SPAG16: variants seen among roughly 807,000 people sequenced by gnomAD.
SPAG16 encodes sperm-associated antigen 16 protein.
A neutral mutation model predicts 80.4 loss-of-function variants in SPAG16; 86 were observed. The observed-to-expected ratio is 1.07, with a 90% confidence interval of 0.90 to 1.28. The LOEUF (loss-of-function observed/expected upper bound fraction) is 1.28, where lower values mean the gene tolerates loss of function less well. SPAG16 is among the 50% of genes most tolerant of loss of function. SPAG16 has a pLI of 0.00. For missense variants in SPAG16, 870 were observed against 765.3 expected (o/e 1.14, Z -1.61); for synonymous variants, 294 against 265.9 (o/e 1.11, Z -1.03).
chr2:214,002,378 CAAGTG>C (rs2046833064), intron 12 of SPAG16, among the ~76,000 whole-genome samples: 1 of 151,990 alleles, frequency 6.6e-6, no homozygotes, highest in South Asian at 2.1e-4. Context: ...AAGGGGAACT[CAAGTG>C]AACACATGGA....
At chr2:214,011,564 A>G (rs1269607515) in intron 12 of SPAG16, among the ~76,000 whole-genome samples, 1 of 152,208 alleles carries the variant, frequency 6.6e-6, no homozygotes, top group Admixed American at 6.6e-5. Flanking sequence ...GACAATATGT[A>G]AACAGACTGG....
intron 10 of SPAG16, among the ~76,000 whole-genome samples, chr2:213,637,971 A>G (rs1490232954): frequency 6.6e-6 from 1 of 152,060 alleles, no homozygotes; most frequent in Non-Finnish European, 1.5e-5. Context: ...GTTAGCCAGG[A>G]TGGTCTCGAT....
chr2:213,620,289 T>G lies in SPAG16; in HGVS notation c.1070+130199T>G, dbSNP rs552569601. Among the ~76,000 whole-genome samples the G allele has an allele frequency of 6.5e-4, 81 of 123,980 alleles. 1 individual carries two copies. The South Asian group carries it at 0.022, about 34-fold the overall frequency. The allele number at this position is 123,980 out of a possible 152,430, so 81.3% of individuals were successfully genotyped here. A position where few individuals can be genotyped will look rare whatever the true frequency, so the allele number is the denominator to read the frequency against. ...TAACAATAATTTATTGAGTTTTTTT[T>G]TTTTTTTTTTTTTTTTTTTTTGAGA... is the stretch of plus-strand genomic sequence containing the variant. On this transcript the variant is annotated intron_variant, in intron 10 of 15. Transcript: ENST00000331683.
intron 15 of SPAG16, among the ~76,000 whole-genome samples, chr2:214,321,476 G>A (rs1426733123): frequency 6.6e-6 from 1 of 152,172 alleles, no homozygotes; most frequent in Admixed American, 6.5e-5. Context: ...GGAACACAAA[G>A]TGTGCGTTCA....
chr2:213,861,782 C>A (rs983017852), intron 10 of SPAG16, among the ~76,000 whole-genome samples: 8 of 152,150 alleles, frequency 5.3e-5, no homozygotes, highest in African/African-American at 1.9e-4. Context: ...GAGTCCAGTT[C>A]AAATAATAGT....
At chr2:213,565,869 G>A (rs73988550) in intron 10 of SPAG16, among the ~76,000 whole-genome samples, 1,779 of 152,294 alleles carry the variant, frequency 0.012, 34 homozygotes, top group African/African-American at 0.039. Flanking sequence ...TCAAAGCAAT[G>A]ATAACGATTG....
In SPAG16 at chr2:213,824,294, A is replaced by T. The variant is rs1401400125; in HGVS notation, c.1071-38191A>T. On this transcript the variant is annotated intron_variant, in intron 10 of 15. Transcript: ENST00000331683. ...GGCTATGGTACTGGTACCAAAATGG[A>T]CGTACCTTAGACATCTTTGCCCAAT... Among the ~76,000 whole-genome samples, 4 of 152,144 alleles carry T rather than the reference A, an allele frequency of 2.6e-5. No individual in the cohort carries two copies. In the East Asian group the frequency reaches 7.7e-4, roughly 29 times the overall value.
chr2:214,066,917 G>T (rs1206295375), intron 13 of SPAG16, among the ~76,000 whole-genome samples: 4 of 152,104 alleles, frequency 2.6e-5, no homozygotes, highest in African/African-American at 9.7e-5. Context: ...TGTCTGCATT[G>T]CAAAGGAGTG....
At chr2:214,129,748 A>T (rs1346806486) in intron 14 of SPAG16, among the ~76,000 whole-genome samples, 1 of 152,086 alleles carries the variant, frequency 6.6e-6, no homozygotes, top group Non-Finnish European at 1.5e-5. Flanking sequence ...TTTGATCTGG[A>T]CAACTTTTAT....
chr2:213,718,386 G>A (rs1380554557), intron 10 of SPAG16, among the ~76,000 whole-genome samples: 1 of 152,068 alleles, frequency 6.6e-6, no homozygotes, highest in Non-Finnish European at 1.5e-5. Context: ...TCCCACTTTG[G>A]TGGCATTTGA....
At chr2:213,717,401 C>T (rs78737085) in intron 10 of SPAG16, among the ~76,000 whole-genome samples, 1 of 152,182 alleles carries the variant, frequency 6.6e-6, no homozygotes, top group East Asian at 1.9e-4. Flanking sequence ...ACCTCGTGAT[C>T]CGCCCGCCTC....
chr2:213,340,234 T>C lies in SPAG16; in HGVS notation c.608T>C (p.Val203Ala), dbSNP rs1185700647. 12 of 1,611,734 alleles carry C rather than the reference T, an allele frequency of 7.4e-6. No homozygotes were observed. The highest frequency in any genetic ancestry group is 6.7e-5 in the Admixed American group (4 of 59,614). Residue 203 changes from valine (V) to alanine (A), a missense_variant, in exon 6 of 16, where the codon GTC becomes GCC. Transcript: ENST00000331683. ...DFHRMHHKRI[V>A]QEKNKLINDL... is the part of the protein sequence containing the mutation. ...CATCGAATGCATCATAAGCGAATAGTCCAGGAAAAAAACAAATTAATTAAT... is the reference window on the plus strand; with the variant it reads ...CATCGAATGCATCATAAGCGAATAGCCCAGGAAAAAAACAAATTAATTAAT...
intron 9 of SPAG16, among the ~76,000 whole-genome samples, chr2:213,383,684 A>ACAT (rs745333816): frequency 6.6e-6 from 1 of 152,172 alleles, no homozygotes; most frequent in Non-Finnish European, 1.5e-5. Flanking sequence ...AACATATAAG[A>ACAT]CATGAACTAC....
chr2:213,677,710 G>A (rs1245612828), intron 10 of SPAG16, among the ~76,000 whole-genome samples: 2 of 152,040 alleles, frequency 1.3e-5, no homozygotes, highest in Non-Finnish European at 2.9e-5. Context: ...ACAGATCAAC[G>A]AGACAAAAGG....
At chr2:213,474,028 A>C (rs1259539193) in intron 9 of SPAG16, among the ~76,000 whole-genome samples, 1 of 152,164 alleles carries the variant, frequency 6.6e-6, no homozygotes, top group Non-Finnish European at 1.5e-5. Flanking sequence ...TCCTCAGACA[A>C]AGGTGGAAAG....
intron 15 of SPAG16, among the ~76,000 whole-genome samples, chr2:214,157,436 G>T (rs1266117493): frequency 6.6e-6 from 1 of 151,938 alleles, no homozygotes; most frequent in Non-Finnish European, 1.5e-5. Flanking sequence ...CTTTGATTTT[G>T]TCTTCTTATC....
At chr2:213,888,486 A>C (rs1415517129) in intron 11 of SPAG16, among the ~76,000 whole-genome samples, 1 of 151,722 alleles carries the variant, frequency 6.6e-6, no homozygotes, top group Non-Finnish European at 1.5e-5. Flanking sequence ...GAGAATTGTC[A>C]TACACTCAGT....
At chr2:213,766,826 A>G (rs2068960869) in intron 10 of SPAG16, among the ~76,000 whole-genome samples, 1 of 152,218 alleles carries the variant, frequency 6.6e-6, no homozygotes, top group African/African-American at 2.4e-5. Flanking sequence ...CAAAGAGAAT[A>G]GCTAGCTAGA....
intron 15 of SPAG16, among the ~76,000 whole-genome samples, chr2:214,388,582 AG>A (rs769631942): frequency 9.2e-5 from 14 of 151,790 alleles, no homozygotes; most frequent in Admixed American, 5.9e-4. Flanking sequence ...TCAGAGGGTA[AG>A]ATAAAGTAGG....
Sources: allele counts gnomAD v4.1 joint callset (sites outside exome capture counted in the v4.1 genomes callset), GRCh38; gene constraint gnomAD v4.1.1; transcripts MANE v1.5; gene names NCBI Gene and HGNC (gene_info 2026-07-23, HGNC 2026-07-21).